Variants in CCDC7 observed in about 807,000 individuals in gnomAD.
CCDC7 encodes coiled-coil domain containing 7.
CCDC7 carries 183 observed loss-of-function variants against 196.9 expected under a neutral mutation model. The observed-to-expected ratio is 0.93, with a 90% confidence interval of 0.82 to 1.05. The LOEUF is 1.05. Among genes scored for constraint, CCDC7 ranks in the 50% least tolerant of loss-of-function variants. The pLI is 0.00. For synonymous variants in CCDC7, 525 were observed against 484.6 expected, an observed-to-expected ratio of 1.08 and a Z score of -1.10; for missense variants, 1,540 against 1,482.2, an observed-to-expected ratio of 1.04 and a Z score of -0.64.
chr10:32,816,190 T>A (rs1206706014), intron 31 of CCDC7, among the ~76,000 whole-genome samples: 1 of 152,196 alleles, frequency 6.6e-6, no homozygotes, highest in African/African-American at 2.4e-5. Flanking sequence ...GGAGATTATA[T>A]CCTGCGCATG....
chr10:32,816,353 T>C (rs546973931), intron 31 of CCDC7, among the ~76,000 whole-genome samples: 73 of 152,284 alleles, frequency 4.8e-4, no homozygotes, highest in African/African-American at 1.8e-3. Flanking sequence ...TCAAACTGGG[T>C]GGAGCCCACC....
chr10:32,745,499 G>C (rs1238706112), intron 28 of CCDC7, among the ~76,000 whole-genome samples: 8 of 152,116 alleles, frequency 5.3e-5, no homozygotes, highest in African/African-American at 1.9e-4. Context: ...GGAGTTGTCA[G>C]GCTCTTTTTA....
chr10:32,776,204 C>T (rs1362710691), intron 28 of CCDC7, among the ~76,000 whole-genome samples: 1 of 149,038 alleles, frequency 6.7e-6, no homozygotes, highest in Non-Finnish European at 1.5e-5. Context: ...GTGGGTGCAG[C>T]GCACCAGCAT....
chr10:32,633,696 A>ATATATGTG (rs779341941), intron 18 of CCDC7, among the ~76,000 whole-genome samples: 56 of 135,228 alleles, frequency 4.1e-4, no homozygotes, highest in East Asian at 1.8e-3. Flanking sequence ...ATATATATAT[A>ATATATGTG]TGTGTGTGTG....
chr10:32,561,666 T>C (rs2136674851), intron 13 of CCDC7, among the ~76,000 whole-genome samples: 1 of 152,214 alleles, frequency 6.6e-6, no homozygotes. Context: ...TAGAGGGAAA[T>C]TTATAGCACT....
intron 13 of CCDC7, among the ~76,000 whole-genome samples, chr10:32,555,045 A>G (rs1215610846): frequency 1.3e-5 from 2 of 152,214 alleles, no homozygotes; most frequent in Non-Finnish European, 2.9e-5. Context: ...GTATGGCTGA[A>G]TAGTACTCCA....
chr10:32,842,455 A>T (rs1228324645), intron 33 of CCDC7, among the ~76,000 whole-genome samples: 1 of 152,072 alleles, frequency 6.6e-6, no homozygotes, highest in Non-Finnish European at 1.5e-5. Context: ...AGATGTTGGC[A>T]TGGATGCAGC....
intron 33 of CCDC7, among the ~76,000 whole-genome samples, chr10:32,839,977 T>A (rs2092867799): frequency 6.6e-6 from 1 of 151,876 alleles, no homozygotes; most frequent in Non-Finnish European, 1.5e-5. Flanking sequence ...ACACAACCTA[T>A]CAAAACCTCT....
intron 29 of CCDC7, among the ~76,000 whole-genome samples, chr10:32,785,018 C>CA (rs927618984): frequency 1.2e-4 from 18 of 151,514 alleles, no homozygotes; most frequent in South Asian, 6.2e-4. Flanking sequence ...CAAAACAAAA[C>CA]AAAAAAAAGA....
Position 32,689,107 on chromosome 10 carries a change from C to A in CCDC7, c.2288C>A (p.Ser763Ter). Residue 763 changes from serine (S) to a stop codon, truncating the protein, a stop_gained, in exon 23 of 42, where the codon TCA (serine) becomes TAA (stop). Coordinates refer to ENST00000639629, the Ensembl canonical transcript of CCDC7. LOFTEE classifies it high-confidence loss of function. ...ATACTTAGGCATCAAGACTCAATGTCAAAATCAGAAATGCAAGTGAAGGAA... is the reference window on the plus strand; with the variant it reads ...ATACTTAGGCATCAAGACTCAATGTAAAAATCAGAAATGCAAGTGAAGGAA... 1 of 1,608,564 alleles carries A rather than the reference C, an allele frequency of 6.2e-7. No homozygotes were observed. The highest frequency in any genetic ancestry group is 1.1e-5 in the South Asian group (1 of 90,328).
chr10:32,618,452 T>C (rs1287679736), intron 18 of CCDC7, among the ~76,000 whole-genome samples: 1 of 152,080 alleles, frequency 6.6e-6, no homozygotes, highest in African/African-American at 2.4e-5. Flanking sequence ...TTCATTCCCA[T>C]GTCTAAGTAC....
Position 32,502,603 on chromosome 10 carries a change from C to T in CCDC7, c.872+10606C>T, listed in dbSNP as rs538391765. 4.3e-4 allele frequency among the ~76,000 whole-genome samples: 66 copies of T among 152,224 alleles called. 2 individuals carry two copies. In the South Asian group the frequency reaches 0.011, roughly 26 times the overall value. On this transcript the variant is annotated intron_variant, in intron 9 of 41. Coordinates refer to ENST00000639629, the Ensembl canonical transcript of CCDC7. ...TTTTGAGATAATGTGATGCCTCCAC[C>T]TTTGTTCTTTTTGCTTGTGATTGCT...
intron 3 of CCDC7, among the ~76,000 whole-genome samples, chr10:32,458,333 A>C (rs549175387): frequency 6.7e-6 from 1 of 149,432 alleles, no homozygotes; most frequent in East Asian, 2.0e-4. Flanking sequence ...TTTGTTGGCT[A>C]TAAATAAGTG....
chr10:32,707,681 A>G lies in CCDC7; in HGVS notation c.2459-3939A>G, dbSNP rs576750417. Reference sequence around the variant, plus strand: ...AAACGTTCCTACACACCAATAACAGACAAACAGAGAGCCAAATCATGAGTG... The same window carrying G: ...AAACGTTCCTACACACCAATAACAGGCAAACAGAGAGCCAAATCATGAGTG... On this transcript the variant is annotated intron_variant, in intron 24 of 41. Coordinates refer to ENST00000639629, the Ensembl canonical transcript of CCDC7. 3.3e-5 allele frequency among the ~76,000 whole-genome samples: 5 copies of G among 152,278 alleles called. No homozygotes were observed. The South Asian group carries it at 1.0e-3, about 32-fold the overall frequency.
At chr10:32,645,071 C>T (rs976884421) in intron 20 of CCDC7, among the ~76,000 whole-genome samples, 4 of 152,092 alleles carry the variant, frequency 2.6e-5, no homozygotes, top group Non-Finnish European at 5.9e-5. Context: ...AGAAGACATA[C>T]AAATGGCCAA....
chr10:32,490,014 G>C (rs1428052053), intron 8 of CCDC7, among the ~76,000 whole-genome samples: 2 of 152,258 alleles, frequency 1.3e-5, no homozygotes, highest in Admixed American at 6.5e-5. Flanking sequence ...TCAGTGGTGA[G>C]AGCTGTCAGT....
intron 29 of CCDC7, 98 bp from the exon 31 acceptor site, chr10:32,804,917 C>G (rs1301575294): frequency 2.8e-6 from 2 of 705,186 alleles, no homozygotes; most frequent in African/African-American, 3.8e-5. Flanking sequence ...ATAACAAAGG[C>G]TGATTAATTT....
chr10:32,705,573 C>T (rs948791756), intron 24 of CCDC7, among the ~76,000 whole-genome samples: 10 of 152,068 alleles, frequency 6.6e-5, no homozygotes, highest in Non-Finnish European at 1.5e-5. Context: ...TCAGGAGACC[C>T]ATCTCACGTG....
intron 30 of CCDC7, among the ~76,000 whole-genome samples, chr10:32,807,538 G>A (rs985658560): frequency 3.3e-5 from 5 of 152,186 alleles, no homozygotes; most frequent in Non-Finnish European, 5.9e-5. Flanking sequence ...GAATTCAGCA[G>A]AGAATTAACA....
Sources: gnomAD v4.1 joint callset for allele counts (sites outside exome capture counted in the v4.1 genomes callset) on GRCh38, gnomAD v4.1.1 for gene constraint, MANE v1.5 for transcripts, NCBI Gene and HGNC (gene_info 2026-07-23, HGNC 2026-07-21) for gene names.